ASTN1: variants seen among roughly 807,000 people sequenced by gnomAD.
ASTN1 encodes the protein astrotactin-1.
Under a neutral mutation model 140.7 loss-of-function variants are expected in ASTN1, and 41 were observed. The observed-to-expected ratio is 0.29, with a 90% CI of 0.23 to 0.38. The LOEUF is 0.38. Among genes scored for constraint, ASTN1 ranks in the 10% least tolerant of loss-of-function variants. The pLI is 1.00. For synonymous variants in ASTN1, 640 were observed against 652.2 expected, an observed-to-expected ratio of 0.98 and a Z score of 0.29; for missense variants, 1,479 against 1,678.8, an observed-to-expected ratio of 0.88 and a Z score of 2.08.
chr1:176,980,123 T>A (rs540120772), intron 8 of ASTN1, among the ~76,000 whole-genome samples: 1 of 152,212 alleles, frequency 6.6e-6, no homozygotes, highest in African/African-American at 2.4e-5. Flanking sequence ...AGTGGCTGAC[T>A]GGGGGGCAAA....
intron 1 of ASTN1, among the ~76,000 whole-genome samples, chr1:177,078,604 A>G (rs974172218): frequency 3.3e-5 from 5 of 152,148 alleles, no homozygotes; most frequent in African/African-American, 1.2e-4. Flanking sequence ...TATTTAGACA[A>G]TGAGAGAGTA....
At chr1:176,981,225 A>C (rs1347705709) in intron 8 of ASTN1, among the ~76,000 whole-genome samples, 1 of 148,852 alleles carries the variant, frequency 6.7e-6, no homozygotes, top group Non-Finnish European at 1.5e-5. Context: ...AAAAAAAAAA[A>C]AAAAAAAAAA....
intron 7 of ASTN1, among the ~76,000 whole-genome samples, chr1:177,017,368 C>A (rs1371468219): frequency 6.6e-6 from 1 of 152,202 alleles, no homozygotes; most frequent in Non-Finnish European, 1.5e-5. Context: ...CTGGAACCCA[C>A]CAAGCATTCC....
At chr1:177,160,249 C>T (rs1647276873) in intron 1 of ASTN1, among the ~76,000 whole-genome samples, 3 of 152,132 alleles carry the variant, frequency 2.0e-5, no homozygotes, top group Admixed American at 6.5e-5. Context: ...TATTTAACTC[C>T]CCCATTCTTC....
At chr1:176,858,648 G>A (rs1667878443), downstream of ASTN1, among the ~76,000 whole-genome samples, 1 of 152,140 alleles carries the variant, frequency 6.6e-6, no homozygotes, top group Non-Finnish European at 1.5e-5. Context: ...CCCAAACCAA[G>A]CTAAACAACT....
At chr1:177,084,796 T>C (rs567057300) in intron 1 of ASTN1, among the ~76,000 whole-genome samples, 1 of 152,196 alleles carries the variant, frequency 6.6e-6, no homozygotes, top group Admixed American at 6.5e-5. Context: ...TAATTTTAGC[T>C]TTTCTTACTG....
chr1:176,949,199 G>A lies in ASTN1; in HGVS notation c.2040C>T (p.Ile680=). 6.2e-7 allele frequency: 1 copy of A among 1,613,934 alleles called. No individual in the cohort carries two copies. Among genetic ancestry groups the A allele is most frequent in the Non-Finnish European group, 8.5e-7 (1 of 1,180,014 alleles). Residue 680 remains isoleucine, a synonymous_variant, in exon 12 of 23, where the codon ATC becomes ATT. Coordinates refer to ENST00000361833, the MANE Select transcript of ASTN1 (RefSeq NM_004319.3). ...GCTCAACTCACCCACAGAACATGAG[G>A]ATGTTATACAAGGTGGGGTCGTCCG... ...PFPDDPTLYN[I]LMFCGCIEDY...
intron 16 of ASTN1, among the ~76,000 whole-genome samples, chr1:176,921,918 G>A (rs1670740437): frequency 1.3e-5 from 2 of 152,140 alleles, no homozygotes; most frequent in African/African-American, 4.8e-5. Context: ...TTCTAGGAAA[G>A]GGAAGAAGAA....
chr1:177,016,480 T>C lies in ASTN1; in HGVS notation c.1439-1605A>G, dbSNP rs369795099. Among the ~76,000 whole-genome samples the C allele has an allele frequency of 3.9e-3, 590 of 152,218 alleles. 5 individuals carry two copies. The highest frequency in any genetic ancestry group is 0.014 in the Middle Eastern group (4 of 294). On this transcript the variant is annotated intron_variant, in intron 7 of 22. Coordinates refer to ENST00000361833, the MANE Select transcript of ASTN1 (RefSeq NM_004319.3). ...TGGTCAGGGAGCTCTGAGCCAAAAATAGAAAAACACAGCTTTAAATTAGAT... is the reference window on the plus strand; with the variant it reads ...TGGTCAGGGAGCTCTGAGCCAAAAACAGAAAAACACAGCTTTAAATTAGAT...
At chr1:176,996,537 G>C (rs1256270220) in intron 8 of ASTN1, among the ~76,000 whole-genome samples, 3 of 152,134 alleles carry the variant, frequency 2.0e-5, no homozygotes, top group Non-Finnish European at 4.4e-5. Context: ...GTTGAAGACT[G>C]AAAGAATGGG....
At chr1:176,892,355 C>T (rs758565034) in intron 17 of ASTN1, among the ~76,000 whole-genome samples, 1 of 152,036 alleles carries the variant, frequency 6.6e-6, no homozygotes, top group Non-Finnish European at 1.5e-5. Context: ...GCTGGAAATA[C>T]GTTGTGATGG....
intron 9 of ASTN1, among the ~76,000 whole-genome samples, chr1:176,958,985 C>A (rs562765759): frequency 2.0e-5 from 3 of 152,234 alleles, no homozygotes; most frequent in South Asian, 4.2e-4. Flanking sequence ...AAGCCAAGAG[C>A]CTCCAGGGAG....
At chr1:177,029,342 C>T (rs1403741204) in intron 5 of ASTN1, 1 of 614,128 alleles carries the variant, frequency 1.6e-6, no homozygotes, top group Non-Finnish European at 3.2e-6. Context: ...AATATGACTC[C>T]TGAGTCTTCC....
chr1:176,913,400 C>CA (rs763018196), intron 16 of ASTN1, among the ~76,000 whole-genome samples: 1 of 152,176 alleles, frequency 6.6e-6, no homozygotes, highest in Non-Finnish European at 1.5e-5. Context: ...AGTGCACGTC[C>CA]ATGAATGCAT....
At position 177,142,276 on chromosome 1, in the gene ASTN1, T is replaced by G. The variant is rs75422655; in HGVS notation, c.283+22118A>C. On this transcript the variant is annotated intron_variant, in intron 1 of 22. Transcript: ENST00000361833. Reference sequence around the variant, plus strand: ...GCTCAGTGGTCAAATTGCTGTTGTTTTTTTTTTTAATTATGCCTGTAGTAC... The same window carrying G: ...GCTCAGTGGTCAAATTGCTGTTGTTGTTTTTTTTAATTATGCCTGTAGTAC... Among the ~76,000 whole-genome samples, 842 of 152,204 alleles carry G rather than the reference T, an allele frequency of 5.5e-3. 6 individuals are homozygous for G. The highest frequency in any genetic ancestry group is 0.019 in the African/African-American group (797 of 41,536).
chr1:176,936,598 T>TACATATA (rs1671458771), intron 14 of ASTN1, among the ~76,000 whole-genome samples: 1 of 152,248 alleles, frequency 6.6e-6, no homozygotes, highest in East Asian at 1.9e-4. Flanking sequence ...TATTAAGCCA[T>TACATATA]TTGATCCTCA....
At chr1:176,949,156 C>T in intron 12 of ASTN1, 29 bp downstream of exon 12, 3 of 1,612,186 alleles carry the variant, frequency 1.9e-6, no homozygotes, top group Non-Finnish European at 2.5e-6. Context: ...AGATGGACGC[C>T]AGGTGGCCTC....
chr1:177,105,195 T>G (rs1054691038), intron 1 of ASTN1, among the ~76,000 whole-genome samples: 1 of 152,118 alleles, frequency 6.6e-6, no homozygotes, highest in Admixed American at 6.6e-5. Context: ...ATAATATGCT[T>G]GTACGGGATT....
chr1:176,967,794 T>C (rs531448174), intron 8 of ASTN1, among the ~76,000 whole-genome samples: 3 of 152,304 alleles, frequency 2.0e-5, no homozygotes, highest in Admixed American at 2.0e-4. Context: ...CCTCCTGCTC[T>C]TGAGGGGCCT....
Sources: gnomAD v4.1 joint callset for allele counts (sites outside exome capture counted in the v4.1 genomes callset) on GRCh38, gnomAD v4.1.1 for gene constraint, MANE v1.5 for transcripts, NCBI Gene and HGNC (gene_info 2026-07-23, HGNC 2026-07-21) for gene names.